COA6: variants seen among roughly 807,000 people sequenced by gnomAD.
COA6 encodes the protein cytochrome c oxidase assembly factor 6.
A neutral mutation model predicts 17.1 loss-of-function variants in COA6; 12 were observed. That is an observed-to-expected ratio of 0.70 (90% confidence interval 0.45 to 1.14). The LOEUF is 1.14. COA6 is among the 50% of genes most tolerant of loss of function. The pLI is 0.00. For synonymous variants in COA6, 90 were observed against 73.4 expected (o/e 1.23, Z -1.16); for missense variants, 246 against 196.5 (o/e 1.25, Z -1.51).
At chr1:234,383,046 G>GGGAGGGAT (rs1659021236) in intron 2 of COA6, among the ~76,000 whole-genome samples, 1 of 132,506 alleles carries the variant, frequency 7.5e-6, no homozygotes, top group Non-Finnish European at 1.7e-5. Flanking sequence ...AAGGGAGGGA[G>GGGAGGGAT]GGAGGGAGGG....
At chr1:234,379,564 T>C (rs1389821593) in intron 2 of COA6, among the ~76,000 whole-genome samples, 1 of 152,050 alleles carries the variant, frequency 6.6e-6, no homozygotes, top group Non-Finnish European at 1.5e-5. Context: ...CTGATTATTG[T>C]TGGAAAAAAT....
At chr1:234,383,563 A>C (rs1572175293) in intron 2 of COA6, among the ~76,000 whole-genome samples, 160 bp from the exon 3 acceptor site, 1 of 123,690 alleles carries the variant, frequency 8.1e-6, no homozygotes, top group Admixed American at 8.6e-5. Context: ...CATCATTCAT[A>C]GTTACAGCTG....
chr1:234,378,640 G>A (rs954747013), intron 2 of COA6, among the ~76,000 whole-genome samples: 4 of 152,152 alleles, frequency 2.6e-5, no homozygotes, highest in Non-Finnish European at 4.4e-5. Context: ...TTGGGAGGCC[G>A]AGGTGGGCGG....
At chr1:234,379,972 A>C (rs543423681) in intron 2 of COA6, among the ~76,000 whole-genome samples, 8 of 152,340 alleles carry the variant, frequency 5.3e-5, no homozygotes, top group Non-Finnish European at 1.2e-4. Context: ...GGTGACCTGC[A>C]AAGTTGTAGA....
chr1:234,373,628 A>C lies in COA6; in HGVS notation c.162A>C (p.Thr54=), dbSNP rs1427803703. 1.2e-6 allele frequency: 2 copies of C among 1,613,098 alleles called. No homozygotes were observed. The highest frequency in any genetic ancestry group is 4.5e-5 in the East Asian group (2 of 44,890). ...ALHRRLVACV[T]VSSRRHRKEA... Reference sequence around the variant, plus strand: ...ACCGCCGGTTGGTGGCCTGCGTGACAGTTTCCTCCCGTCGACATCGAAAGG... The same window carrying C: ...ACCGCCGGTTGGTGGCCTGCGTGACCGTTTCCTCCCGTCGACATCGAAAGG... Residue 54 remains threonine (T), a synonymous_variant, in exon 1 of 3, where the codon ACA becomes ACC. Transcript: ENST00000366615.
chr1:234,377,060 G>C (rs531188020), intron 2 of COA6, among the ~76,000 whole-genome samples: 254 of 14,540 alleles, frequency 0.017, 12 homozygotes, highest in African/African-American at 0.053. Context: ...CTGTGTTGCC[G>C]AGAGAGAGAG....
chr1:234,384,918 A>G lies in COA6; in HGVS notation c.*1100A>G, dbSNP rs1311899169. Among the ~76,000 whole-genome samples the G allele has an allele frequency of 6.6e-5, 10 of 152,268 alleles. No individual in the cohort carries two copies. Among genetic ancestry groups the G allele is most frequent in the Admixed American group, 6.5e-4 (10 of 15,288 alleles). On this transcript the variant is annotated 3_prime_UTR_variant, in exon 3 of 3. Transcript: ENST00000366615. ...ACTGCATTAAAGTGAATATCACAAT[A>G]GAGTGGGTTACACAAATGTTTTGGT...
chr1:234,373,708 G>T, intron 1 of COA6, 30 bp downstream of exon 1: 1 of 1,613,574 alleles, frequency 6.2e-7, no homozygotes, highest in Non-Finnish European at 8.5e-7. Context: ...CGGGTGGGGC[G>T]CGCGTGGACT....
chr1:234,379,004 ATTT>A (rs377669777), intron 2 of COA6, among the ~76,000 whole-genome samples: 4 of 136,424 alleles, frequency 2.9e-5, no homozygotes, highest in Non-Finnish European at 3.2e-5. Context: ...TACTTTTTTA[ATTT>A]TTTTTTTTTT....
intron 2 of COA6, among the ~76,000 whole-genome samples, chr1:234,377,133 T>TTTGTTGTTGTTGTTGTTG (rs1553268495): frequency 1.6e-4 from 11 of 69,572 alleles, no homozygotes; most frequent in African/African-American, 9.2e-4. Flanking sequence ...TTTTGTTTTT[T>TTTGTTGTTGTTGTTGTTG]TTGTTGTTGT....
intron 2 of COA6, among the ~76,000 whole-genome samples, chr1:234,379,862 A>C (rs6695813): frequency 0.076 from 11,621 of 152,288 alleles, 516 homozygotes; most frequent in Middle Eastern, 0.095. Context: ...CCGGTGATTC[A>C]GTTACCTTCA....
At chr1:234,381,932 T>A (rs1241794968) in intron 2 of COA6, among the ~76,000 whole-genome samples, 1 of 152,196 alleles carries the variant, frequency 6.6e-6, no homozygotes, top group Admixed American at 6.5e-5. Context: ...GTCACAAAAA[T>A]GTTAAGGGCA....
At chr1:234,374,502 T>G in intron 2 of COA6, 113 bp downstream of exon 2, 1 of 1,118,434 alleles carries the variant, frequency 8.9e-7, no homozygotes, top group Non-Finnish European at 1.3e-6. Context: ...ACAGTTTCTT[T>G]GAGGCGCAGA....
chr1:234,376,811 G>A (rs535894177), intron 2 of COA6, among the ~76,000 whole-genome samples: 108 of 152,278 alleles, frequency 7.1e-4, no homozygotes, highest in African/African-American at 2.6e-3. Context: ...TTAAATGCCC[G>A]TGTTCATTAG....
At chr1:234,378,484 T>C (rs116090479) in intron 2 of COA6, among the ~76,000 whole-genome samples, 1,818 of 152,346 alleles carry the variant, frequency 0.012, 34 homozygotes, top group African/African-American at 0.042. Flanking sequence ...ATTTATACAG[T>C]AACTGTTTTC....
intron 2 of COA6, among the ~76,000 whole-genome samples, chr1:234,378,009 A>C (rs2103017277): frequency 6.6e-6 from 1 of 152,360 alleles, no homozygotes; most frequent in South Asian, 2.1e-4. Flanking sequence ...CGTGTTCATC[A>C]TCAGTTAAAG....
At chr1:234,374,112 GTTTTTT>G (rs61077059) in intron 1 of COA6, 112 bp from the exon 2 acceptor site, 3 of 861,862 alleles carry the variant, frequency 3.5e-6, no homozygotes, top group African/African-American at 3.5e-5. Context: ...TTTTGTTTTT[GTTTTTT>G]TTTTTTTTTT....
At chr1:234,374,508 G>A (rs1448527658) in intron 2 of COA6, 119 bp downstream of exon 2, 11 of 1,033,058 alleles carry the variant, frequency 1.1e-5, no homozygotes, top group Non-Finnish European at 1.6e-5. Context: ...TCTTTGAGGC[G>A]CAGAGAAAAC....
chr1:234,383,139 C>G (rs1311765424), intron 2 of COA6, among the ~76,000 whole-genome samples: 1 of 151,632 alleles, frequency 6.6e-6, no homozygotes, highest in African/African-American at 2.4e-5. Context: ...GCCTTCTGAC[C>G]TACCTGAGAG....
Sources: gnomAD v4.1 joint callset for allele counts (sites outside exome capture counted in the v4.1 genomes callset) on GRCh38, gnomAD v4.1.1 for gene constraint, MANE v1.5 for transcripts, NCBI Gene and HGNC (gene_info 2026-07-23, HGNC 2026-07-21) for gene names.